Variants in RARB observed in about 807,000 individuals in gnomAD.
RARB encodes the protein HBV-activated protein.
RARB carries 17 observed loss-of-function variants against 51.9 expected under a neutral mutation model. The observed-to-expected ratio is 0.33, with a 90% CI of 0.22 to 0.49. RARB has a LOEUF of 0.49. RARB is among the 20% of genes least tolerant of loss of function. The probability of loss-of-function intolerance (pLI) is 0.99; values close to 1 mark genes in which losing one functional copy is unlikely to be tolerated. For synonymous variants in RARB, 215 were observed against 195.4 expected (o/e 1.10, Z -0.84); for missense variants, 369 against 550.8 (o/e 0.67, Z 3.30).
chr3:25,019,275 T>C (rs2125283901), intron 2 of RARB, among the ~76,000 whole-genome samples: 1 of 152,290 alleles, frequency 6.6e-6, no homozygotes, highest in African/African-American at 2.4e-5. Context: ...TATTTTTGAT[T>C]GTAATAGAAA....
intron 2 of RARB, among the ~76,000 whole-genome samples, chr3:24,873,282 C>A (rs1316454778): frequency 1.3e-5 from 2 of 152,040 alleles, no homozygotes; most frequent in Admixed American, 6.6e-5. Flanking sequence ...CTTTTTCTTC[C>A]CTTTCATTAA....
chr3:25,085,389 T>C (rs912774161), intron 3 of RARB, among the ~76,000 whole-genome samples: 73 of 152,132 alleles, frequency 4.8e-4, no homozygotes, highest in African/African-American at 1.7e-3. Context: ...ATGGGAAAAA[T>C]CTGAATAACT....
chr3:25,329,120 C>A (rs531957657), intron 5 of RARB, among the ~76,000 whole-genome samples: 5 of 152,322 alleles, frequency 3.3e-5, no homozygotes, highest in Admixed American at 3.3e-4. Flanking sequence ...GAACAAAAGG[C>A]AGCAGAAACT....
chr3:25,150,280 G>A (rs1700263215), intron 4 of RARB, among the ~76,000 whole-genome samples: 1 of 152,158 alleles, frequency 6.6e-6, no homozygotes, highest in Non-Finnish European at 1.5e-5. Flanking sequence ...ATGGAGACTA[G>A]TTCATCTGAC....
At chr3:25,168,399 C>A (rs1575192250) in intron 4 of RARB, among the ~76,000 whole-genome samples, 1 of 151,754 alleles carries the variant, frequency 6.6e-6, no homozygotes, top group Non-Finnish European at 1.5e-5. Flanking sequence ...TAATTTTTTG[C>A]ATTTTTAGTA....
At chr3:25,270,292 A>G (rs1019745014) in intron 5 of RARB, among the ~76,000 whole-genome samples, 21 of 152,154 alleles carry the variant, frequency 1.4e-4, no homozygotes, top group Admixed American at 1.1e-3. Flanking sequence ...ACAGAATATT[A>G]TTTTGCTTTA....
chr3:25,126,888 A>G (rs1699867584), intron 3 of RARB, among the ~76,000 whole-genome samples: 1 of 152,074 alleles, frequency 6.6e-6, no homozygotes, highest in Non-Finnish European at 1.5e-5. Flanking sequence ...GCAAGGTAAA[A>G]CCTTTAGTCA....
chr3:25,210,158 T>G (rs1273133389), intron 5 of RARB, among the ~76,000 whole-genome samples: 1 of 152,166 alleles, frequency 6.6e-6, no homozygotes, highest in Non-Finnish European at 1.5e-5. Flanking sequence ...AGATACTAGC[T>G]AGCAGAAAAG....
At chr3:24,889,187 C>A (rs1703324252) in intron 2 of RARB, among the ~76,000 whole-genome samples, 1 of 152,128 alleles carries the variant, frequency 6.6e-6, no homozygotes, top group Non-Finnish European at 1.5e-5. Flanking sequence ...TTTTGACTTC[C>A]TTTGCTTTTG....
intron 5 of RARB, among the ~76,000 whole-genome samples, chr3:25,354,289 G>A (rs768029573): frequency 1.3e-5 from 2 of 151,976 alleles, no homozygotes; most frequent in Non-Finnish European, 2.9e-5. Context: ...TCATGCTTCT[G>A]AAGACAGTAA....
chr3:24,913,710 AATT>A (rs1695049485), intron 2 of RARB, among the ~76,000 whole-genome samples: 1 of 152,206 alleles, frequency 6.6e-6, no homozygotes, highest in Non-Finnish European at 1.5e-5. Context: ...GCCAACAAAA[AATT>A]AAGCTGGTAA....
In RARB at chr3:25,023,603, G is replaced by A. The variant is rs1697683108; in HGVS notation, c.-379-36522G>A. 1.3e-5 allele frequency among the ~76,000 whole-genome samples: 2 copies of A among 152,124 alleles called. 1 individual carries two copies. Among genetic ancestry groups the A allele is most frequent in the South Asian group, 4.1e-4 (2 of 4,822 alleles). On this transcript the variant is annotated intron_variant, in intron 2 of 11. Coordinates refer to the RARB transcript ENST00000383772. Reference sequence around the variant, plus strand: ...ATCAAAACTAGAATTTGCATTTTCAGTCTCTGGGTCACTATTATTAGGGAC... The same window carrying A: ...ATCAAAACTAGAATTTGCATTTTCAATCTCTGGGTCACTATTATTAGGGAC...
rs555546655 is a variant in RARB, at chr3:25,407,566, CT to C, written c.179-53622del. Among the ~76,000 whole-genome samples, 21 of 152,244 alleles carry C rather than the reference CT, an allele frequency of 1.4e-4. No individual in the cohort carries two copies. In the South Asian group the frequency reaches 4.4e-3, roughly 32 times the overall value. On this transcript the variant is annotated intron_variant, in intron 5 of 11. Transcript: ENST00000383772. ...CCACCTGCTGGTTGTGACCTCTCCC[CT>C]TTTTATGCCTATCTTAGTTCTGTTC...
chr3:25,303,253 C>G (rs1478269251), intron 5 of RARB, among the ~76,000 whole-genome samples: 3 of 152,126 alleles, frequency 2.0e-5, no homozygotes, highest in African/African-American at 7.2e-5. Context: ...GATTGTGACC[C>G]AAGAAGCAAA....
chr3:24,944,776 G>T (rs1409000020), intron 2 of RARB, among the ~76,000 whole-genome samples: 1 of 152,170 alleles, frequency 6.6e-6, no homozygotes, highest in African/African-American at 2.4e-5. Flanking sequence ...TAACCATCTG[G>T]ATGACCATAT....
At chr3:25,593,806 C>A in intron 6 of RARB, 99 bp downstream of exon 6, 1 of 1,152,050 alleles carries the variant, frequency 8.7e-7, no homozygotes, top group Non-Finnish European at 1.2e-6. Flanking sequence ...AGTTGTTTTA[C>A]ATGGGAAAAC....
chr3:25,105,749 A>C (rs1699487372), intron 3 of RARB, among the ~76,000 whole-genome samples: 1 of 152,214 alleles, frequency 6.6e-6, no homozygotes, highest in Non-Finnish European at 1.5e-5. Context: ...TGGCCAGTCT[A>C]AATCACAAAT....
At chr3:24,858,297 A>C (rs530933788) in intron 1 of RARB, among the ~76,000 whole-genome samples, 142 of 152,186 alleles carry the variant, frequency 9.3e-4, no homozygotes, top group Non-Finnish European at 1.8e-3. Context: ...TCTACTTTTA[A>C]TTTGCTATTG....
intron 3 of RARB, among the ~76,000 whole-genome samples, chr3:25,563,610 A>T (rs17526839): frequency 1.3e-5 from 2 of 152,180 alleles, no homozygotes; most frequent in African/African-American, 2.4e-5. Context: ...AGTCTCTAAC[A>T]ATTAGTAATA....
Sources: gnomAD v4.1 joint callset for allele counts (sites outside exome capture counted in the v4.1 genomes callset) on GRCh38, gnomAD v4.1.1 for gene constraint, MANE v1.5 for transcripts, NCBI Gene and HGNC (gene_info 2026-07-23, HGNC 2026-07-21) for gene names.